ADCY8: variants seen among roughly 807,000 people sequenced by gnomAD.
ADCY8 encodes adenylate cyclase 8, also known as adenylate cyclase type 8.
In ADCY8, 51 loss-of-function variants were observed where a neutral mutation model predicts 119.7. That is an observed-to-expected ratio of 0.43 (90% CI 0.34 to 0.54). The LOEUF (loss-of-function observed/expected upper bound fraction) is 0.54. Among genes scored for constraint, ADCY8 ranks in the 20% least tolerant of loss-of-function variants. The pLI, the probability that ADCY8 is intolerant of heterozygous loss-of-function variation, is 0.03. For synonymous variants in ADCY8, 665 were observed against 651.0 expected (o/e 1.02, Z -0.33); for missense variants, 1,383 against 1,598.8 (o/e 0.87, Z 2.30).
intron 6 of ADCY8, 59 bp downstream of exon 6, chr8:130,909,649 T>G: frequency 1.9e-6 from 3 of 1,598,396 alleles, no homozygotes; most frequent in South Asian, 1.1e-5. Context: ...GGAAACCCAC[T>G]GTCACAAAAT....
intron 1 of ADCY8, among the ~76,000 whole-genome samples, chr8:131,002,957 T>G (rs75538325): frequency 1.3e-5 from 2 of 152,098 alleles, no homozygotes; most frequent in Non-Finnish European, 2.9e-5. Flanking sequence ...TCCCAGCACT[T>G]TGGATGGCCA....
At chr8:130,991,187 A>T (rs1318554088) in intron 1 of ADCY8, among the ~76,000 whole-genome samples, 1 of 152,228 alleles carries the variant, frequency 6.6e-6, no homozygotes, top group Non-Finnish European at 1.5e-5. Flanking sequence ...CAGTCAAGAA[A>T]AGTAGACAGA....
At chr8:130,888,842 C>A (rs762483743) in intron 7 of ADCY8, among the ~76,000 whole-genome samples, 10 of 152,106 alleles carry the variant, frequency 6.6e-5, no homozygotes, top group Non-Finnish European at 1.0e-4. Context: ...ACTTTTCTTG[C>A]AGATCCTATC....
chr8:130,866,661 T>C (rs1156912503), intron 9 of ADCY8, among the ~76,000 whole-genome samples: 15 of 152,188 alleles, frequency 9.9e-5, no homozygotes, highest in Admixed American at 9.8e-4. Context: ...CCTTGAGTCA[T>C]GTGGTCAGAA....
chr8:130,869,932 C>CCTT (rs1175042361), intron 8 of ADCY8, among the ~76,000 whole-genome samples: 2 of 145,398 alleles, frequency 1.4e-5, no homozygotes, highest in African/African-American at 5.2e-5. Flanking sequence ...TCCTCCTCCT[C>CCTT]CTCCTCCTCT....
chr8:131,007,167 G>A (rs958093781), intron 1 of ADCY8, among the ~76,000 whole-genome samples: 7 of 152,082 alleles, frequency 4.6e-5, no homozygotes, highest in Admixed American at 4.6e-4. Flanking sequence ...AAAGCACATA[G>A]TACTGAATTA....
chr8:130,827,802 C>G (rs1816712637), intron 12 of ADCY8, among the ~76,000 whole-genome samples: 1 of 152,176 alleles, frequency 6.6e-6, no homozygotes, highest in Admixed American at 6.5e-5. Context: ...GACTCCAACT[C>G]TATCCTTTCA....
In ADCY8 at chr8:131,028,580, C is replaced by T. The variant is rs959084918; in HGVS notation, c.960+10794G>A. On this transcript the variant is annotated intron_variant, in intron 1 of 17. Transcript: ENST00000286355. ...AAAAAGAACTAAAAAGACTCATGAC[C>T]GTTTTTGGGACTTTATAAAGACAGT... Among the ~76,000 whole-genome samples the T allele has an allele frequency of 2.6e-5, 4 of 151,986 alleles. No individual in the cohort carries two copies. In the East Asian group the frequency reaches 5.8e-4, roughly 22 times the overall value.
chr8:131,039,653 G>T lies in ADCY8; in HGVS notation c.681C>A (p.Cys227Ter). 6.2e-7 allele frequency: 1 copy of T among 1,614,166 alleles called. No individual in the cohort carries two copies. Among genetic ancestry groups the T allele is most frequent in the South Asian group, 1.1e-5 (1 of 91,086 alleles). ...GFFTGIEVVICALVVVRKDTT... is the reference protein window; with the variant it reads ...GFFTGIEVVI ...TGTCCTTCCTGACCACCACCAGGGC[G>T]CAGATCACTACCTCAATGCCGGTGA... The change falls in exon 1 of 18, where the codon TGC becomes TGA. Residue 227 changes from cysteine to a stop codon, truncating the protein, a stop_gained. Transcript: ENST00000286355. LOFTEE classifies it high-confidence loss of function.
chr8:130,840,103 A>G (rs547414834), intron 11 of ADCY8, among the ~76,000 whole-genome samples: 1 of 139,870 alleles, frequency 7.1e-6, no homozygotes, highest in African/African-American at 2.4e-5. Flanking sequence ...CTTTGTATTA[A>G]TCTATTAAGT....
chr8:130,855,644 G>A (rs1395525463), intron 9 of ADCY8, among the ~76,000 whole-genome samples: 3 of 149,688 alleles, frequency 2.0e-5, no homozygotes, highest in African/African-American at 4.9e-5. Flanking sequence ...CTCGCTTCTC[G>A]TGGAGGACAG....
chr8:130,784,420 C>A (rs975650340), intron 16 of ADCY8, among the ~76,000 whole-genome samples: 1 of 152,138 alleles, frequency 6.6e-6, no homozygotes, highest in African/African-American at 2.4e-5. Flanking sequence ...GCATACTTGC[C>A]CTTCCTACCT....
rs375767224 is a variant in ADCY8 at position 130,847,517 on chromosome 8, C to T, written c.2413-4G>A. 66 of 1,521,420 alleles carry T rather than the reference C, an allele frequency of 4.3e-5. No homozygotes were observed. The highest frequency in any genetic ancestry group is 3.6e-4 in the Middle Eastern group (2 of 5,530). The allele number at this position is 1,521,420 out of a possible 1,614,324, so 94.2% of individuals were successfully genotyped here. On this transcript the variant is annotated splice_region_variant and splice_polypyrimidine_tract_variant and intron_variant, in intron 10 of 17. Coordinates refer to ENST00000286355, the MANE Select transcript of ADCY8 (RefSeq NM_001115.3). ...ACTTGTCAAAATCACACCACAGCTG[C>T]GGATTAAAAAAAAAAAAAAAAGAAC...
intron 2 of ADCY8, among the ~76,000 whole-genome samples, chr8:130,957,486 A>C (rs1052109710): frequency 1.3e-5 from 2 of 152,238 alleles, no homozygotes; most frequent in Admixed American, 1.3e-4. Flanking sequence ...TGTGATAGAA[A>C]AGAAAAAACA....
At chr8:131,010,225 G>A (rs574316075) in intron 1 of ADCY8, among the ~76,000 whole-genome samples, 1 of 152,054 alleles carries the variant, frequency 6.6e-6, no homozygotes, top group Non-Finnish European at 1.5e-5. Context: ...TTGAACATTC[G>A]AGCTAGAGAT....
chr8:130,882,173 C>A (rs1818802248), intron 8 of ADCY8, among the ~76,000 whole-genome samples: 1 of 147,002 alleles, frequency 6.8e-6, no homozygotes, highest in Admixed American at 6.8e-5. Context: ...CAGCATCTCA[C>A]AGTTGATGAC....
At chr8:130,822,644 C>T (rs545476377) in intron 12 of ADCY8, among the ~76,000 whole-genome samples, 1 of 152,262 alleles carries the variant, frequency 6.6e-6, no homozygotes. Flanking sequence ...GACATAGACA[C>T]ATTCCAGTAC....
intron 5 of ADCY8, among the ~76,000 whole-genome samples, chr8:130,910,584 G>A (rs1445222211): frequency 6.6e-6 from 1 of 152,196 alleles, no homozygotes. Context: ...CTGAAATAGA[G>A]TGTTTACATC....
chr8:131,003,407 A>G (rs1823016409), intron 1 of ADCY8, among the ~76,000 whole-genome samples: 1 of 152,352 alleles, frequency 6.6e-6, no homozygotes, highest in South Asian at 2.1e-4. Context: ...TAAGATATCA[A>G]CATATTCAAA....
Sources: allele counts gnomAD v4.1 joint callset (sites outside exome capture counted in the v4.1 genomes callset), GRCh38; gene constraint gnomAD v4.1.1; transcripts MANE v1.5; gene names NCBI Gene and HGNC (gene_info 2026-07-23, HGNC 2026-07-21).